TCF20: variants seen among roughly 807,000 people sequenced by gnomAD.
The protein encoded by TCF20 is SPRE-binding protein.
A neutral mutation model predicts 148.6 loss-of-function variants in TCF20; 3 were observed. The ratio of observed to expected loss-of-function variants is 0.02; its 90% CI spans 0.01 to 0.05. The LOEUF (loss-of-function observed/expected upper bound fraction) is 0.05. Among genes scored for constraint, TCF20 ranks in the 10% least tolerant of loss-of-function variants. The pLI, the probability that TCF20 is intolerant of heterozygous loss-of-function variation, is 1.00. For synonymous variants in TCF20, 1,049 were observed against 909.5 expected, an observed-to-expected ratio of 1.15 and a Z score of -2.76; for missense variants, 2,350 against 2,429.3, an observed-to-expected ratio of 0.97 and a Z score of 0.69.
At chr22:42,177,781 T>G (rs1225784088) in intron 3 of TCF20, among the ~76,000 whole-genome samples, 1 of 152,212 alleles carries the variant, frequency 6.6e-6, no homozygotes, top group African/African-American at 2.4e-5. Context: ...CCCGTGTAAA[T>G]TCCTGAGCAA....
In TCF20 at chr22:42,254,959, C is replaced by CAAAAAAAAAAAAAAAAAA. The variant is rs10625678; in HGVS notation, c.-37+15362_-37+15379dup. On this transcript the variant is annotated intron_variant, in intron 1 of 5. Transcript: ENST00000677622. ...TGGGTGACACAGCAAGACTCCGTCT[C>CAAAAAAAAAAAAAAAAAA]AAAAAAAAAAAAAAAAAAAAGGTAG... 5.4e-3 allele frequency among the ~76,000 whole-genome samples: 336 copies of CAAAAAAAAAAAAAAAAAA among 62,778 alleles called. 33 individuals are homozygous for CAAAAAAAAAAAAAAAAAA. Among genetic ancestry groups the CAAAAAAAAAAAAAAAAAA allele is most frequent in the African/African-American group, 0.029 (304 of 10,428 alleles). The allele number at this position is 62,778 out of a possible 152,430, so 41.2% of individuals were successfully genotyped here.
intron 1 of TCF20, among the ~76,000 whole-genome samples, chr22:42,319,430 G>A (rs950212774): frequency 6.6e-6 from 1 of 152,182 alleles, no homozygotes; most frequent in Non-Finnish European, 1.5e-5. Flanking sequence ...GTGTGTTGGG[G>A]AGACAGGGGA....
chr22:42,326,600 G>A (rs1927879570), intron 1 of TCF20, among the ~76,000 whole-genome samples: 2 of 152,218 alleles, frequency 1.3e-5, no homozygotes, highest in African/African-American at 4.8e-5. Context: ...GAGAGCCCTG[G>A]ACTCAAAGCC....
chr22:42,213,445 C>T lies in TCF20; in HGVS notation c.1861G>A (p.Gly621Ser). 6.2e-7 allele frequency: 1 copy of T among 1,614,162 alleles called. No individual in the cohort carries two copies. Among genetic ancestry groups the T allele is most frequent in the South Asian group, 1.1e-5 (1 of 91,068 alleles). ...EAMTGRVEKP[G>S]GQDKGSQEDD... ...TCTTGGGAGCCTTTATCTTGTCCAC[C>T]AGGCTTTTCTACCCGACCTGTCATG... The change falls in exon 2 of 6, where the codon GGT becomes AGT. Residue 621 changes from glycine to serine, a missense_variant. Physicochemically the swap from Gly to Ser is moderately conservative, Grantham distance 56. This residue lies in a region of TCF20 where 1,641 missense variants were observed against 1,662.6 expected (regional missense o/e 0.99). Transcript: ENST00000677622.
intron 1 of TCF20, among the ~76,000 whole-genome samples, chr22:42,256,421 T>C (rs1484618291): frequency 1.3e-5 from 2 of 152,180 alleles, no homozygotes; most frequent in Non-Finnish European, 2.9e-5. Flanking sequence ...CTGTGTCCCT[T>C]ATCTTTAGGG....
At chr22:42,239,525 T>C (rs2147304490) in intron 1 of TCF20, among the ~76,000 whole-genome samples, 1 of 151,036 alleles carries the variant, frequency 6.6e-6, no homozygotes, top group African/African-American at 2.4e-5. Flanking sequence ...TGGTGGCTCA[T>C]GCCTGTAATC....
At chr22:42,296,476 C>T (rs1207984234) in intron 1 of TCF20, among the ~76,000 whole-genome samples, 1 of 152,244 alleles carries the variant, frequency 6.6e-6, no homozygotes, top group East Asian at 1.9e-4. Flanking sequence ...TTGGAGGCCC[C>T]AACACCCAGC....
intron 2 of TCF20, among the ~76,000 whole-genome samples, chr22:42,201,245 A>T (rs1251309830): frequency 6.6e-6 from 1 of 152,172 alleles, no homozygotes; most frequent in Non-Finnish European, 1.5e-5. Flanking sequence ...CTGTGAGCCA[A>T]TTCAACCTCT....
At chr22:42,285,420 C>T (rs1328401058), upstream of TCF20, among the ~76,000 whole-genome samples, 2 of 152,040 alleles carry the variant, frequency 1.3e-5, no homozygotes, top group African/African-American at 4.8e-5. The surrounding 1 kb of genome is among the most constrained non-coding windows in gnomAD (Gnocchi z 4.2). Context: ...CGCCTCGGTC[C>T]TTGGGACCCC....
chr22:42,312,217 G>T (rs1243790201), intron 1 of TCF20, among the ~76,000 whole-genome samples: 1 of 152,206 alleles, frequency 6.6e-6, no homozygotes, highest in Non-Finnish European at 1.5e-5. Context: ...GCAGCTGTGG[G>T]GATTACAGCA....
chr22:42,205,279 T>G (rs1461898078), intron 2 of TCF20, among the ~76,000 whole-genome samples: 2 of 136,928 alleles, frequency 1.5e-5, no homozygotes, highest in African/African-American at 5.8e-5. Context: ...AGTCCCACAC[T>G]TGTGGGAAGG....
intron 1 of TCF20, among the ~76,000 whole-genome samples, chr22:42,254,959 C>CAAAAAAAAAAAAAAAAAAAAAAAA (rs10625678): frequency 8.0e-5 from 5 of 62,810 alleles, no homozygotes; most frequent in African/African-American, 3.8e-4. Context: ...GACTCCGTCT[C>CAAAAAAAAAAAAAAAAAAAAAAAA]AAAAAAAAAA....
At chr22:42,328,185 T>A (rs886944563) in intron 1 of TCF20, among the ~76,000 whole-genome samples, 2 of 151,998 alleles carry the variant, frequency 1.3e-5, no homozygotes, top group Non-Finnish European at 2.9e-5. Flanking sequence ...CGTGAGCTGC[T>A]CTCTACTCGG....
intron 2 of TCF20, among the ~76,000 whole-genome samples, chr22:42,200,040 A>T (rs965657818): frequency 1.3e-5 from 2 of 152,118 alleles, no homozygotes; most frequent in Non-Finnish European, 2.9e-5. Context: ...GGATTTAAAA[A>T]TTTATCAGTT....
intron 1 of TCF20, among the ~76,000 whole-genome samples, chr22:42,314,159 G>A (rs762957407): frequency 2.6e-5 from 4 of 152,190 alleles, no homozygotes; most frequent in Non-Finnish European, 2.9e-5. Context: ...GCCACTCCAG[G>A]GCAGAGAGAA....
In TCF20 at chr22:42,279,853, G is replaced by A. The variant is rs1926862252; in HGVS notation, c.-37+3974C>T. 6.6e-6 allele frequency among the ~76,000 whole-genome samples: 1 copy of A among 152,224 alleles called. No homozygotes were observed. Among genetic ancestry groups the A allele is most frequent in the African/African-American group, 2.4e-5 (1 of 41,456 alleles). ...CCTCCGTGGCAATCGGGCTCACAAA[G>A]CCATGTGTGGGCTGGATGTGGCTCC... On this transcript the variant is annotated intron_variant, in intron 1 of 5. Coordinates refer to the TCF20 transcript ENST00000359486. The surrounding 1 kb of genome is among the most constrained non-coding windows in gnomAD (Gnocchi z 4.3).
chr22:42,193,528 T>G (rs1466375798), intron 2 of TCF20, among the ~76,000 whole-genome samples: 3 of 151,986 alleles, frequency 2.0e-5, no homozygotes, highest in Non-Finnish European at 4.4e-5. Context: ...GCATCTCACT[T>G]TGTTGCCCAA....
Position 42,325,024 on chromosome 22 carries a change from C to G in TCF20, c.-37+18455G>C, listed in dbSNP as rs528148125. Among the ~76,000 whole-genome samples, 82 of 152,378 alleles carry G rather than the reference C, an allele frequency of 5.4e-4. 1 individual carries two copies. The highest frequency in any genetic ancestry group is 1.7e-3 in the African/African-American group (72 of 41,588). ...CTGAGAGTGCAGACCCGGATGCTCC[C>G]TCTTTGTCTTCCCACCCTGCTGGGA... On this transcript the variant is annotated intron_variant, in intron 1 of 1. Coordinates refer to the TCF20 transcript ENST00000515426.
At chr22:42,255,032 G>A (rs1925652427) in intron 1 of TCF20, among the ~76,000 whole-genome samples, 1 of 149,330 alleles carries the variant, frequency 6.7e-6, no homozygotes, top group African/African-American at 2.5e-5. Flanking sequence ...TCCCAATCCT[G>A]GCTCTGCTAC....
Sources: gnomAD v4.1 joint callset for allele counts (sites outside exome capture counted in the v4.1 genomes callset) on GRCh38, gnomAD v4.1.1 for gene constraint, gnomAD v4.1.1 regional missense constraint, Gnocchi (gnomAD v3.1) non-coding constraint, MANE v1.5 for transcripts, NCBI Gene and HGNC (gene_info 2026-07-23, HGNC 2026-07-21) for gene names.